The following GCN1 variants were observed in gnomAD, a reference collection of about 807,000 sequenced individuals.
GCN1 encodes the protein stalled ribosome sensor GCN1.
GCN1 carries 90 observed loss-of-function variants against 288.4 expected under a neutral mutation model. The observed-to-expected ratio is 0.31, with a 90% CI of 0.26 to 0.37. The LOEUF (loss-of-function observed/expected upper bound fraction) is 0.37. Among genes scored for constraint, GCN1 ranks in the 10% least tolerant of loss-of-function variants. The pLI, the probability that GCN1 is intolerant of heterozygous loss-of-function variation, is 1.00. For missense variants in GCN1, 2,586 were observed against 3,419.9 expected, an observed-to-expected ratio of 0.76 and a Z score of 6.08; for synonymous variants, 1,386 against 1,420.2, an observed-to-expected ratio of 0.98 and a Z score of 0.54.
At chr12:120,139,073 G>A (rs1020856988) in intron 45 of GCN1, 6 of 363,982 alleles carry the variant, frequency 1.6e-5, no homozygotes, top group African/African-American at 1.3e-4. Flanking sequence ...ACTTTGGGAG[G>A]CCAAGGTGGG....
Position 120,153,512 on chromosome 12 carries a change from G to T in GCN1, c.3868-105C>A. 9.3e-7 allele frequency: 1 copy of T among 1,069,884 alleles called. No homozygotes were observed. The highest frequency in any genetic ancestry group is 1.3e-6 in the Non-Finnish European group (1 of 742,836). 66.3% of individuals were successfully genotyped at this position (1,069,884 alleles called of 1,614,324 possible). ...AAGACCAAGTCTAGCTCTGGGACAG[G>T]CATCCTGACATGCCAGCCAGTGGCT... On this transcript the variant is annotated intron_variant, in intron 32 of 57. Transcript: ENST00000300648. This position sits in a 1 kb window ranked among gnomAD's most constrained non-coding sequence, Gnocchi z 4.4.
At chr12:120,191,555 G>A (rs973971814) in intron 1 of GCN1, among the ~76,000 whole-genome samples, 7 of 152,184 alleles carry the variant, frequency 4.6e-5, no homozygotes, top group Admixed American at 6.6e-5. Context: ...TATCAGTAGC[G>A]TAAGAGTCAA....
Position 120,153,873 on chromosome 12 carries a change from C to T in GCN1, c.3738G>A (p.Gln1246=). Residue 1246 remains glutamine, a synonymous_variant, in exon 32 of 58, where the codon CAG becomes CAA. Transcript: ENST00000300648. The surrounding 1 kb of genome is among the most constrained non-coding windows in gnomAD (Gnocchi z 4.4). ...GCTTCACCTGAGAGCTGTCCAAATA[C>T]TGGGAGAGCTTGTTGAGGGCCAACG... The part of the protein sequence containing the change: ...GLALALNKLS[Q]YLDSSQVKPL... 1 of 1,614,030 alleles carries T rather than the reference C, an allele frequency of 6.2e-7. No individual in the cohort carries two copies. Among genetic ancestry groups the T allele is most frequent in the South Asian group, 1.1e-5 (1 of 91,080 alleles).
Position 120,134,654 on chromosome 12 carries a change from G to C in GCN1, c.7081C>G (p.Arg2361Gly). 1 of 1,613,834 alleles carries C rather than the reference G, an allele frequency of 6.2e-7. No individual in the cohort carries two copies. Residue 2361 changes from arginine to glycine, a missense_variant, in exon 52 of 58, where the codon CGG becomes GGG. Arg to Gly is a moderately radical substitution (Grantham distance 125). Around this residue, in one of 8 missense-constraint regions of GCN1, gnomAD observed 355 missense variants for 431.1 expected, o/e 0.82. Coordinates refer to ENST00000300648, the MANE Select transcript of GCN1 (RefSeq NM_006836.2). This position sits in a 1 kb window ranked among gnomAD's most constrained non-coding sequence, Gnocchi z 5.0. Reference sequence around the variant, plus strand: ...TCTGCGGCCTTCAGGCGCACCCCCCGGTTGGAGTCCTGCAGGGCTTTGGTG... The same window carrying C: ...TCTGCGGCCTTCAGGCGCACCCCCCCGTTGGAGTCCTGCAGGGCTTTGGTG... ...TFTKALQDSN[R>G]GVRLKAADAL...
chr12:120,181,573 C>T (rs1166980489), intron 5 of GCN1, among the ~76,000 whole-genome samples: 1 of 150,722 alleles, frequency 6.6e-6, no homozygotes, highest in African/African-American at 2.4e-5. Flanking sequence ...GGTGCAGTGG[C>T]TCATGCCTGT....
In GCN1 at chr12:120,145,442, G is replaced by A. The variant is rs1034620810; in HGVS notation, c.4948-112C>T. 1.9e-5 allele frequency: 14 copies of A among 747,760 alleles called. No individual in the cohort carries two copies. The East Asian group carries it at 3.6e-4, about 19-fold the overall frequency. The allele number at this position is 747,760 out of a possible 1,614,324, so 46.3% of individuals were successfully genotyped here. A position where few individuals can be genotyped will look rare whatever the true frequency, so the allele number is the denominator to read the frequency against. ...CTGCTGGCAAGGAGTGCTTGGCAGG[G>A]GCACCTAGCATGCAAACCTCACTGC... On this transcript the variant is annotated intron_variant, in intron 38 of 57. Coordinates refer to ENST00000300648, the MANE Select transcript of GCN1 (RefSeq NM_006836.2).
At chr12:120,171,611 T>G (rs1307092180) in intron 14 of GCN1, among the ~76,000 whole-genome samples, 1 of 152,254 alleles carries the variant, frequency 6.6e-6, no homozygotes, top group Non-Finnish European at 1.5e-5. Flanking sequence ...GTTTTATACT[T>G]GAATCCAAGA....
intron 45 of GCN1, 103 bp from the exon 46 acceptor site, chr12:120,138,959 C>G (rs1485308788): frequency 7.6e-5 from 71 of 931,340 alleles, no homozygotes; most frequent in Non-Finnish European, 8.8e-5. Context: ...CTAGGCCACC[C>G]TAACTCTCTT....
chr12:120,135,906 C>T (rs1056735911), intron 51 of GCN1, among the ~76,000 whole-genome samples: 2 of 151,972 alleles, frequency 1.3e-5, no homozygotes, highest in African/African-American at 4.8e-5. Flanking sequence ...ATCCCAGCTA[C>T]TTGGGAGGCT....
chr12:120,170,169 C>A lies in GCN1; in HGVS notation c.1519G>T (p.Glu507Ter). ...LKLSVADSQAEAKLSSFWQLI... is the reference protein window; with the variant it reads ...LKLSVADSQA The stretch of plus-strand genomic sequence containing the variant: ...ATCCTAGACACCTCTGGACTCATAC[C>A]AGCCTGTGAGTCAGCCACTGACAAC... Residue 507 changes from glutamate to a stop codon, truncating the protein, a stop_gained and splice_region_variant, in exon 15 of 58, where the codon GAG (glutamate) becomes TAG (stop). Coordinates refer to ENST00000300648, the MANE Select transcript of GCN1 (RefSeq NM_006836.2). LOFTEE classifies it high-confidence loss of function. The A allele has an allele frequency of 6.2e-7, 1 of 1,613,700 alleles. No individual in the cohort carries two copies. The highest frequency in any genetic ancestry group is 8.5e-7 in the Non-Finnish European group (1 of 1,179,584).
chr12:120,146,892 A>C (rs971541836), intron 38 of GCN1, among the ~76,000 whole-genome samples, 160 bp downstream of exon 38: 3 of 152,236 alleles, frequency 2.0e-5, no homozygotes, highest in Admixed American at 1.3e-4. Context: ...ATGCCCAGAG[A>C]GCCCGGATTT....
chr12:120,172,629 C>G (rs1878346851), intron 14 of GCN1, among the ~76,000 whole-genome samples: 1 of 152,150 alleles, frequency 6.6e-6, no homozygotes, highest in African/African-American at 2.4e-5. Flanking sequence ...CCTGCCTCAG[C>G]CTCCCGAGTA....
intron 5 of GCN1, among the ~76,000 whole-genome samples, chr12:120,181,627 G>A (rs1051621420): frequency 7.3e-5 from 11 of 151,366 alleles, no homozygotes; most frequent in Non-Finnish European, 1.5e-5. Flanking sequence ...ATCACCTGAG[G>A]TCAGGAGTTC....
At position 120,144,420 on chromosome 12, in the gene GCN1, C is replaced by T. The variant is rs765945944; in HGVS notation, c.5381G>A (p.Arg1794His). The T allele has an allele frequency of 3.7e-6, 6 of 1,614,098 alleles. No homozygotes were observed. The highest frequency in any genetic ancestry group is 4.2e-6 in the Non-Finnish European group (5 of 1,179,970). ...CTGGCCCGCGCGCAGGGCGGTGTCA[C>T]GCACAAACTCATTCTCATCAGCAAG... ...KALADENEFV[R>H]DTALRAGQRV... Residue 1794 changes from arginine (R) to histidine (H), a missense_variant, in exon 42 of 58, where the codon CGT becomes CAT. Around this residue, in one of 8 missense-constraint regions of GCN1, gnomAD observed 371 missense variants for 572.6 expected, o/e 0.65. Coordinates refer to ENST00000300648, the MANE Select transcript of GCN1 (RefSeq NM_006836.2). This position sits in a 1 kb window ranked among gnomAD's most constrained non-coding sequence, Gnocchi z 4.7.
Position 120,170,266 on chromosome 12 carries a change from C to T in GCN1, c.1422G>A (p.Glu474=). The change falls in exon 15 of 58, where the codon GAG becomes GAA. Residue 474 remains glutamate (E), a synonymous_variant. Coordinates refer to ENST00000300648, the MANE Select transcript of GCN1 (RefSeq NM_006836.2). ...DLLPLLIQTV[E]KAASQSTQVP... is the part of the protein sequence containing the mutation. ...CCTGAGTGCTTTGGGAGGCTGCCTT[C>T]TCCACTGTCTGGATGAGCAAGGGCA... The T allele has an allele frequency of 6.2e-7, 1 of 1,614,092 alleles. No homozygotes were observed. Among genetic ancestry groups the T allele is most frequent in the Non-Finnish European group, 8.5e-7 (1 of 1,179,952 alleles).
At position 120,144,528 on chromosome 12, in the gene GCN1, T is replaced by C. The variant is rs1209436276; in HGVS notation, c.5353-80A>G. 23 of 1,570,052 alleles carry C rather than the reference T, an allele frequency of 1.5e-5. No homozygotes were observed. The highest frequency in any genetic ancestry group is 2.0e-5 in the Non-Finnish European group (23 of 1,153,098). ...AAAAAACATGGGGCTCACTGAAGGC[T>C]GAGGGCTCTGCCAACCAACCCCAGC... On this transcript the variant is annotated intron_variant, in intron 41 of 57. Transcript: ENST00000300648. This position sits in a 1 kb window ranked among gnomAD's most constrained non-coding sequence, Gnocchi z 4.7.
At position 120,175,218 on chromosome 12, in the gene GCN1, A is replaced by G. The variant is rs753862938; in HGVS notation, c.1043-6T>C. On this transcript the variant is annotated splice_polypyrimidine_tract_variant and splice_region_variant and intron_variant, in intron 11 of 57. Transcript: ENST00000300648. ...AGTTAGTTTTCCTTCCGAGCCTGAG[A>G]AGAGAGACAGCAAAGATTCACATTC... The G allele has an allele frequency of 5.0e-6, 8 of 1,612,378 alleles. No individual in the cohort carries two copies. The highest frequency in any genetic ancestry group is 5.9e-6 in the Non-Finnish European group (7 of 1,178,536).
rs368241252 is a variant in GCN1, at chr12:120,129,260, C to A, written c.7890+16G>T. 2.6e-6 allele frequency: 4 copies of A among 1,559,770 alleles called. No individual in the cohort carries two copies. The highest frequency in any genetic ancestry group is 3.8e-4 in the Middle Eastern group (2 of 5,214). On this transcript the variant is annotated intron_variant, in intron 57 of 57. Coordinates refer to ENST00000300648, the MANE Select transcript of GCN1 (RefSeq NM_006836.2). ...ATGCTCACAGCACATCCTGGTGAGG[C>A]CCCCCAGGCTCCCACCTGAAACACC...
chr12:120,138,105 G>C (rs537971614), intron 47 of GCN1, 61 bp from the exon 48 acceptor site: 52 of 1,484,720 alleles, frequency 3.5e-5, no homozygotes, highest in Non-Finnish European at 4.6e-5. Context: ...CTAGGCTCTG[G>C]GAACAGACGG....
Sources: gnomAD v4.1 joint callset for allele counts (sites outside exome capture counted in the v4.1 genomes callset) on GRCh38, gnomAD v4.1.1 for gene constraint, gnomAD v4.1.1 regional missense constraint, Gnocchi (gnomAD v3.1) non-coding constraint, MANE v1.5 for transcripts, NCBI Gene and HGNC (gene_info 2026-07-23, HGNC 2026-07-21) for gene names.